GTF2F2: variants seen among roughly 807,000 people sequenced by gnomAD.
GTF2F2 encodes general transcription factor IIF subunit 2, also known as ATP-dependent helicase GTF2F2.
A neutral mutation model predicts 42.2 loss-of-function variants in GTF2F2; 23 were observed. That is an observed-to-expected ratio of 0.55 (90% CI 0.39 to 0.77). The LOEUF (loss-of-function observed/expected upper bound fraction) is 0.77, where lower values mean the gene tolerates loss of function less well. Ranked by LOEUF, GTF2F2 falls within the 30% of genes least tolerant of loss-of-function variation. GTF2F2 has a pLI of 0.00. For synonymous variants in GTF2F2, 105 were observed against 100.8 expected, an observed-to-expected ratio of 1.04 and a Z score of -0.25; for missense variants, 261 against 287.2, an observed-to-expected ratio of 0.91 and a Z score of 0.66.
intron 6 of GTF2F2, among the ~76,000 whole-genome samples, chr13:45,258,731 T>C (rs115508658): frequency 0.013 from 1,923 of 152,340 alleles, 42 homozygotes; most frequent in African/African-American, 0.04. Context: ...ATTATACTCT[T>C]TCATCCCTTT....
chr13:45,261,823 G>T (rs900933044), intron 6 of GTF2F2, among the ~76,000 whole-genome samples: 1 of 152,294 alleles, frequency 6.6e-6, no homozygotes, highest in South Asian at 2.1e-4. Context: ...ATCATTGGTA[G>T]TTTATTTGTA....
chr13:45,165,105 G>A (rs1871214817), intron 4 of GTF2F2, among the ~76,000 whole-genome samples: 1 of 151,922 alleles, frequency 6.6e-6, no homozygotes, highest in Non-Finnish European at 1.5e-5. Context: ...GCTATGATGA[G>A]CACTTACACA....
intron 4 of GTF2F2, among the ~76,000 whole-genome samples, chr13:45,188,471 T>G (rs2138165203): frequency 6.6e-6 from 1 of 152,322 alleles, no homozygotes; most frequent in South Asian, 2.1e-4. Flanking sequence ...AAATGTGCAT[T>G]TTGGGGAGAC....
chr13:45,244,248 G>A (rs1566148878), intron 5 of GTF2F2, among the ~76,000 whole-genome samples: 1 of 152,146 alleles, frequency 6.6e-6, no homozygotes, highest in Admixed American at 6.5e-5. Flanking sequence ...TTTTATTAGA[G>A]ATTTTATTCT....
In GTF2F2 at chr13:45,195,210, C is replaced by T. The variant is rs533625030; in HGVS notation, c.305-12214C>T. On this transcript the variant is annotated intron_variant, in intron 4 of 7. Transcript: ENST00000340473. ...AATTTAATTGGATTTGCATATGATT[C>T]TGATTTGGAGATCTATGTTAAAGGA... Among the ~76,000 whole-genome samples, 6 of 152,008 alleles carry T rather than the reference C, an allele frequency of 3.9e-5. No homozygotes were observed. In the South Asian group the frequency reaches 1.2e-3, roughly 32 times the overall value.
intron 5 of GTF2F2, among the ~76,000 whole-genome samples, chr13:45,241,072 G>A (rs1400226410): frequency 6.6e-6 from 1 of 151,162 alleles, no homozygotes; most frequent in Non-Finnish European, 1.5e-5. Flanking sequence ...AGGATCAAAT[G>A]AGCCCAGGAG....
At chr13:45,240,127 T>TTTTC (rs1206383058) in intron 5 of GTF2F2, among the ~76,000 whole-genome samples, 1 of 147,060 alleles carries the variant, frequency 6.8e-6, no homozygotes, top group African/African-American at 2.5e-5. Context: ...TTTTTTTTTT[T>TTTTC]AGTTCTTAGC....
chr13:45,132,441 T>TTA (rs536544617), intron 1 of GTF2F2, among the ~76,000 whole-genome samples: 40 of 152,052 alleles, frequency 2.6e-4, no homozygotes, highest in Non-Finnish European at 4.1e-4. Flanking sequence ...GTGTTTTTTT[T>TTA]TTTTGGTTTG....
intron 4 of GTF2F2, among the ~76,000 whole-genome samples, chr13:45,167,749 C>A: frequency 6.6e-6 from 1 of 151,996 alleles, no homozygotes; most frequent in East Asian, 1.9e-4. Flanking sequence ...ACCATGTTGG[C>A]CAGGCTGGTT....
chr13:45,149,619 A>G, intron 2 of GTF2F2, 151 bp from the exon 3 acceptor site: 1 of 645,556 alleles, frequency 1.5e-6, no homozygotes, highest in Admixed American at 4.0e-5. Context: ...TATAAATAGG[A>G]TAGTTGTGGG....
chr13:45,139,785 A>G (rs1472848032), intron 2 of GTF2F2, among the ~76,000 whole-genome samples: 3 of 152,182 alleles, frequency 2.0e-5, no homozygotes, highest in Non-Finnish European at 4.4e-5. Flanking sequence ...ATTGTCTAGA[A>G]CAATGCTTGG....
At chr13:45,275,164 T>G (rs139882058) in intron 7 of GTF2F2, among the ~76,000 whole-genome samples, 25 of 152,288 alleles carry the variant, frequency 1.6e-4, no homozygotes, top group African/African-American at 6.0e-4. Context: ...CTTCTTTAAC[T>G]TAGACATAAT....
chr13:45,153,837 C>T (rs779640521), intron 4 of GTF2F2, among the ~76,000 whole-genome samples: 27 of 151,648 alleles, frequency 1.8e-4, no homozygotes, highest in Non-Finnish European at 3.5e-4. Flanking sequence ...ATTGGCCAGG[C>T]GTGGTGGCAG....
intron 5 of GTF2F2, among the ~76,000 whole-genome samples, chr13:45,228,179 C>T (rs1326382336): frequency 6.6e-6 from 1 of 151,080 alleles, no homozygotes; most frequent in African/African-American, 2.4e-5. Flanking sequence ...TCCCTTTAAC[C>T]GACGGGCACT....
intron 4 of GTF2F2, among the ~76,000 whole-genome samples, chr13:45,197,932 C>A (rs1872982032): frequency 6.6e-6 from 1 of 152,196 alleles, no homozygotes; most frequent in South Asian, 2.1e-4. Flanking sequence ...TACCTGGATC[C>A]ACTTGGCCAC....
chr13:45,229,779 G>A (rs140837950), intron 5 of GTF2F2, among the ~76,000 whole-genome samples: 3 of 152,150 alleles, frequency 2.0e-5, no homozygotes, highest in Non-Finnish European at 4.4e-5. Context: ...ACACTTAGAA[G>A]GACTAATAGG....
chr13:45,156,004 C>T (rs899316926), intron 4 of GTF2F2, among the ~76,000 whole-genome samples: 1 of 152,042 alleles, frequency 6.6e-6, no homozygotes, highest in African/African-American at 2.4e-5. Context: ...CAGTGTCTCA[C>T]TGTGTTGCCC....
chr13:45,122,266 C>G (rs1278472277), intron 1 of GTF2F2, among the ~76,000 whole-genome samples: 1 of 150,362 alleles, frequency 6.7e-6, no homozygotes, highest in Admixed American at 6.6e-5. Context: ...GATATTTATT[C>G]AGGAAAAAAA....
intron 5 of GTF2F2, among the ~76,000 whole-genome samples, chr13:45,242,216 C>T (rs1316576201): frequency 6.7e-6 from 1 of 150,166 alleles, no homozygotes; most frequent in Non-Finnish European, 1.5e-5. Context: ...TTCTCCTGGC[C>T]TTCTGTCTGC....
Sources: allele counts gnomAD v4.1 joint callset (sites outside exome capture counted in the v4.1 genomes callset), GRCh38; gene constraint gnomAD v4.1.1; transcripts MANE v1.5; gene names NCBI Gene and HGNC (gene_info 2026-07-23, HGNC 2026-07-21).